NDNF: variants seen among roughly 807,000 people sequenced by gnomAD.
NDNF encodes neuron derived neurotrophic factor.
NDNF carries 16 observed loss-of-function variants against 42.0 expected under a neutral mutation model. That is an observed-to-expected ratio of 0.38 (90% CI 0.26 to 0.58). The LOEUF (loss-of-function observed/expected upper bound fraction) is 0.58. Among genes scored for constraint, NDNF ranks in the 20% least tolerant of loss-of-function variants. The probability of loss-of-function intolerance (pLI) is 0.67; values close to 1 mark genes in which losing one functional copy is unlikely to be tolerated. For missense variants in NDNF, 616 were observed against 666.2 expected, an observed-to-expected ratio of 0.92 and a Z score of 0.83; for synonymous variants, 248 against 251.7, an observed-to-expected ratio of 0.99 and a Z score of 0.14.
chr4:121,037,674 A>T lies in NDNF; in HGVS notation c.314-17T>A, dbSNP rs1726903342. ...CCAGATCACCTAGAAAATACAGGAG[A>T]AGCACAGGCTACTGTCAGGGCATAC... On this transcript the variant is annotated splice_polypyrimidine_tract_variant and intron_variant, in intron 3 of 3. Transcript: ENST00000379692. 2 of 1,552,900 alleles carry T rather than the reference A, an allele frequency of 1.3e-6. No individual in the cohort carries two copies. Among genetic ancestry groups the T allele is most frequent in the Non-Finnish European group, 1.7e-6 (2 of 1,155,972 alleles).
chr4:121,054,313 G>A (rs1355048215), intron 1 of NDNF, among the ~76,000 whole-genome samples: 1 of 152,132 alleles, frequency 6.6e-6, no homozygotes, highest in African/African-American at 2.4e-5. Context: ...TCCAATGTCA[G>A]CATTTCTACT....
rs774826121 is a variant in NDNF at position 121,036,342 on chromosome 4, C to A, written c.1629G>T (p.Leu543=). 6.2e-7 allele frequency: 1 copy of A among 1,614,144 alleles called. No individual in the cohort carries two copies. The highest frequency in any genetic ancestry group is 8.5e-7 in the Non-Finnish European group (1 of 1,180,006). The change falls in exon 4 of 4, where the codon CTG becomes CTT. Residue 543 remains leucine (L), a synonymous_variant. Coordinates refer to ENST00000379692, the MANE Select transcript of NDNF (RefSeq NM_024574.4). ...CCCCATGTCCTATGACATAAACATC[C>A]AGCAGGTAAGATTTGCCAGGCTGAA... ...KGLQPGKSYL[L]DVYVIGHGGH... is the part of the protein sequence containing the mutation.
chr4:121,053,987 C>A (rs1727243801), intron 1 of NDNF, among the ~76,000 whole-genome samples: 1 of 152,136 alleles, frequency 6.6e-6, no homozygotes, highest in South Asian at 2.1e-4. Flanking sequence ...CACGTATCAG[C>A]CTGGAAGGTG....
intron 1 of NDNF, among the ~76,000 whole-genome samples, chr4:121,053,313 T>C (rs548600831): frequency 6.5e-4 from 99 of 152,328 alleles, no homozygotes; most frequent in Admixed American, 4.8e-3. Flanking sequence ...CATTCTGTCA[T>C]GCGCTCCCTC....
intron 1 of NDNF, among the ~76,000 whole-genome samples, chr4:121,069,424 GT>G (rs1286269114): frequency 6.6e-6 from 1 of 152,174 alleles, no homozygotes; most frequent in Non-Finnish European, 1.5e-5. Context: ...ATTAAAAGAT[GT>G]TTTATATTCA....
At chr4:121,038,820 T>G (rs1726925860) in intron 3 of NDNF, 2 of 151,558 alleles carry the variant, frequency 1.3e-5, no homozygotes, top group African/African-American at 2.4e-5. Context: ...AACCCTATCT[T>G]TACAAAAATA....
At chr4:121,046,703 T>C (rs766215417) in intron 1 of NDNF, among the ~76,000 whole-genome samples, 6 of 152,208 alleles carry the variant, frequency 3.9e-5, no homozygotes, top group Non-Finnish European at 8.8e-5. Context: ...TTTCACTGAG[T>C]TACATTTTGG....
chr4:121,048,356 C>G (rs1229786471), intron 1 of NDNF, among the ~76,000 whole-genome samples: 1 of 152,212 alleles, frequency 6.6e-6, no homozygotes, highest in East Asian at 1.9e-4. Context: ...CCTTAGGCCC[C>G]ATGTTTGCCC....
intron 1 of NDNF, among the ~76,000 whole-genome samples, chr4:121,067,530 T>C (rs1560611411): frequency 6.6e-6 from 1 of 152,198 alleles, no homozygotes; most frequent in Non-Finnish European, 1.5e-5. Context: ...ACTTTTCTCA[T>C]AAACTTGAGG....
intron 1 of NDNF, chr4:121,061,531 T>C (rs1727408293): frequency 6.6e-6 from 1 of 152,234 alleles, no homozygotes. Flanking sequence ...TTTCCTTCTC[T>C]GTCTCTTCTC....
intron 3 of NDNF, among the ~76,000 whole-genome samples, chr4:121,039,192 GTATA>G (rs57613027): frequency 0.036 from 777 of 21,424 alleles, 11 homozygotes; most frequent in African/African-American, 0.08. Context: ...GTGTGTGTGT[GTATA>G]TATATATATA....
At chr4:121,063,833 T>TTAG (rs1220642417) in intron 1 of NDNF, among the ~76,000 whole-genome samples, 2 of 152,216 alleles carry the variant, frequency 1.3e-5, no homozygotes, top group Non-Finnish European at 2.9e-5. Flanking sequence ...TTTATCACTG[T>TTAG]TAGCCCTTTG....
intron 3 of NDNF, chr4:121,038,322 A>C (rs1157912578): frequency 6.6e-6 from 1 of 151,460 alleles, no homozygotes; most frequent in African/African-American, 2.5e-5. Context: ...ACTGTGCTCT[A>C]GCCTGGGCAA....
At chr4:121,038,359 G>GATAAGATAAAATAAAATAAAATAAA (rs1726915745) in intron 3 of NDNF, among the ~76,000 whole-genome samples, 3 of 131,182 alleles carry the variant, frequency 2.3e-5, no homozygotes, top group African/African-American at 8.4e-5. Context: ...CTCAAAATAA[G>GATAAGATAAAATAAAATAAAATAAA]ATAAAATAAA....
At chr4:121,059,143 T>A (rs555453524) in intron 1 of NDNF, among the ~76,000 whole-genome samples, 1 of 151,934 alleles carries the variant, frequency 6.6e-6, no homozygotes, top group Non-Finnish European at 1.5e-5. Context: ...GGCTGTGCAC[T>A]TTTTTATGCT....
At chr4:121,048,581 C>T (rs202238664) in intron 1 of NDNF, among the ~76,000 whole-genome samples, 1 of 152,228 alleles carries the variant, frequency 6.6e-6, no homozygotes, top group Non-Finnish European at 1.5e-5. Context: ...GGCTCACGCC[C>T]GTAATCCCAG....
Sources: allele counts gnomAD v4.1 joint callset (sites outside exome capture counted in the v4.1 genomes callset), GRCh38; gene constraint gnomAD v4.1.1; transcripts MANE v1.5; gene names NCBI Gene and HGNC (gene_info 2026-07-23, HGNC 2026-07-21).